SKI: variants seen among roughly 807,000 people sequenced by gnomAD.
SKI encodes ski oncogene.
SKI carries 23 observed loss-of-function variants against 59.3 expected under a neutral mutation model. The observed-to-expected ratio is 0.39, with a 90% CI of 0.28 to 0.55. The LOEUF (loss-of-function observed/expected upper bound fraction) is 0.55, where lower values mean the gene tolerates loss of function less well. Among genes scored for constraint, SKI ranks in the 20% least tolerant of loss-of-function variants. SKI has a pLI of 0.67. For synonymous variants in SKI, 673 were observed against 488.6 expected (o/e 1.38, Z -4.98); for missense variants, 1,017 against 1,038.9 (o/e 0.98, Z 0.29).
Position 2,306,165 on chromosome 1 carries a change from A to G in SKI, c.1913A>G (p.Lys638Arg), listed in dbSNP as rs921915068. ...KEANESRLRL[K>R]RELEQARQAR... ...GCCAACGAGTCACGGCTGCGCCTGAAGCGGGAGCTGGAGCAGGCGCGGCAG... is the reference window on the plus strand; with the variant it reads ...GCCAACGAGTCACGGCTGCGCCTGAGGCGGGAGCTGGAGCAGGCGCGGCAG... The change falls in exon 6 of 7, where the codon AAG becomes AGG. Residue 638 changes from lysine to arginine, a missense_variant. Transcript: ENST00000378536. 5.6e-6 allele frequency: 9 copies of G among 1,592,932 alleles called. No homozygotes were observed. The Admixed American group carries it at 1.4e-4, about 25-fold the overall frequency.
chr1:2,307,812 A>G lies in SKI; in HGVS notation c.*1047A>G. ...TTTTTACCGATTTATAGAGCAGTCA[A>G]ATCCGAAGTGCTCGAGTGCTTAGAA... On this transcript the variant is annotated 3_prime_UTR_variant, in exon 7 of 7. Transcript: ENST00000378536. 6.6e-6 allele frequency: 1 copy of G among 152,562 alleles called. No homozygotes were observed. The highest frequency in any genetic ancestry group is 1.9e-4 in the East Asian group (1 of 5,188). 9.5% of individuals were successfully genotyped at this position (152,562 alleles called of 1,614,324 possible). A position where few individuals can be genotyped will look rare whatever the true frequency, so the allele number is the denominator to read the frequency against.
intron 1 of SKI, among the ~76,000 whole-genome samples, chr1:2,282,392 CGGTGGCGG>C (rs1639908655): frequency 2.3e-5 from 1 of 42,812 alleles, no homozygotes; most frequent in Non-Finnish European, 4.8e-5. Flanking sequence ...AGAAGACAGG[CGGTGGCGG>C]AGATCTTCAG....
chr1:2,283,943 G>C (rs959325149), intron 1 of SKI, among the ~76,000 whole-genome samples: 1 of 152,172 alleles, frequency 6.6e-6, no homozygotes, highest in African/African-American at 2.4e-5. Flanking sequence ...TGCAGGAGGC[G>C]GGGAGGTGCT....
chr1:2,250,043 T>G (rs767295014), intron 1 of SKI, among the ~76,000 whole-genome samples: 1 of 152,160 alleles, frequency 6.6e-6, no homozygotes, highest in Non-Finnish European at 1.5e-5. Flanking sequence ...TAGCTGGGAT[T>G]ACAGGCGCCC....
At chr1:2,283,898 G>A (rs1008774420) in intron 1 of SKI, among the ~76,000 whole-genome samples, 23 of 152,204 alleles carry the variant, frequency 1.5e-4, no homozygotes, top group Non-Finnish European at 7.4e-5. Context: ...AAGCTGACCC[G>A]CTGGCGGGTG....
intron 1 of SKI, among the ~76,000 whole-genome samples, chr1:2,296,485 C>G (rs528876867): frequency 1.9e-3 from 291 of 152,304 alleles, no homozygotes; most frequent in Non-Finnish European, 3.0e-3. Flanking sequence ...TGAATGATGT[C>G]AGGCAGCTTT....
At chr1:2,253,656 C>G (rs1249577466) in intron 1 of SKI, among the ~76,000 whole-genome samples, 2 of 152,354 alleles carry the variant, frequency 1.3e-5, no homozygotes, top group Non-Finnish European at 1.5e-5. Flanking sequence ...CCACATGCCC[C>G]CAGTTCTGAC....
chr1:2,292,773 C>T (rs1442174939), intron 1 of SKI, among the ~76,000 whole-genome samples: 1 of 152,224 alleles, frequency 6.6e-6, no homozygotes, highest in African/African-American at 2.4e-5. Flanking sequence ...TTTTAGGAAC[C>T]TTGAGGAGGT....
intron 1 of SKI, among the ~76,000 whole-genome samples, chr1:2,284,070 C>T (rs114990167): frequency 0.032 from 4,849 of 152,250 alleles, 97 homozygotes; most frequent in African/African-American, 0.048. Context: ...CCCTGTCCTC[C>T]GGGCCATCCC....
chr1:2,284,555 C>T (rs1242769354), intron 1 of SKI, among the ~76,000 whole-genome samples: 2 of 152,204 alleles, frequency 1.3e-5, no homozygotes, highest in Non-Finnish European at 2.9e-5. Context: ...AGGGACCCTT[C>T]CCCAGTGGGC....
At position 2,277,796 on chromosome 1, in the gene SKI, GCGCACACACCTGCACTCA is replaced by G. The variant is rs368856107; in HGVS notation, c.970-25158_970-25141del. On this transcript the variant is annotated intron_variant, in intron 1 of 6. Transcript: ENST00000378536. ...ACGTGCACACACGTCAGCACCGTGA[GCGCACACACCTGCACTCA>G]CGCACACACCTGCACTCACGCACTC... Among the ~76,000 whole-genome samples the G allele has an allele frequency of 4.5e-3, 660 of 146,316 alleles. 4 individuals carry two copies. The highest frequency in any genetic ancestry group is 0.014 in the African/African-American group (555 of 38,644).
intron 1 of SKI, among the ~76,000 whole-genome samples, chr1:2,284,180 G>A (rs943728439): frequency 1.1e-4 from 17 of 152,092 alleles, no homozygotes; most frequent in Non-Finnish European, 1.9e-4. Flanking sequence ...GGCCGGCCCT[G>A]GGGGGCTCTG....
rs1016508465 is a variant in SKI, at chr1:2,310,142, T to G, written c.*3377T>G. 3.9e-5 allele frequency: 6 copies of G among 152,030 alleles called. No homozygotes were observed. Among genetic ancestry groups the G allele is most frequent in the African/African-American group, 7.2e-5 (3 of 41,406 alleles). The allele number at this position is 152,030 out of a possible 1,614,324, so 9.4% of individuals were successfully genotyped here. A position where few individuals can be genotyped will look rare whatever the true frequency, so the allele number is the denominator to read the frequency against. ...AAAGAGCTTGGCATATTTATCTATT[T>G]CGCTGTGTACCTGTTAGTCCTTCCC... On this transcript the variant is annotated 3_prime_UTR_variant, in exon 7 of 7. Coordinates refer to ENST00000378536, the MANE Select transcript of SKI (RefSeq NM_003036.4).
At chr1:2,266,659 A>G (rs1481553250) in intron 1 of SKI, among the ~76,000 whole-genome samples, 2 of 151,880 alleles carry the variant, frequency 1.3e-5, no homozygotes, top group African/African-American at 4.8e-5. Flanking sequence ...GGTCTCTGTG[A>G]CTTCACCTTG....
chr1:2,241,328 A>T (rs1638865326), intron 1 of SKI, among the ~76,000 whole-genome samples: 1 of 152,236 alleles, frequency 6.6e-6, no homozygotes, highest in African/African-American at 2.4e-5. Flanking sequence ...CCCGTTCACC[A>T]GTTATCCACA....
intron 1 of SKI, among the ~76,000 whole-genome samples, chr1:2,301,162 G>A (rs984789960): frequency 6.6e-6 from 1 of 152,202 alleles, no homozygotes; most frequent in African/African-American, 2.4e-5. Context: ...CCTCTCGGGA[G>A]GGTCCGCATG....
At chr1:2,290,738 G>C (rs72643474) in intron 1 of SKI, among the ~76,000 whole-genome samples, 1 of 152,102 alleles carries the variant, frequency 6.6e-6, no homozygotes, top group Non-Finnish European at 1.5e-5. Context: ...CCCAGCTAGC[G>C]CTTGGGTGAG....
chr1:2,235,922 C>G (rs556897949), intron 1 of SKI, among the ~76,000 whole-genome samples: 1 of 152,150 alleles, frequency 6.6e-6, no homozygotes, highest in Non-Finnish European at 1.5e-5. Context: ...GAGTAATGCT[C>G]CTGTCTTTTG....
chr1:2,287,492 A>G (rs954056267), intron 1 of SKI, among the ~76,000 whole-genome samples: 3 of 151,820 alleles, frequency 2.0e-5, no homozygotes, highest in Non-Finnish European at 4.4e-5. Context: ...GCCCGCCACC[A>G]CGCCCAGCTA....
Sources: gnomAD v4.1 joint callset for allele counts (sites outside exome capture counted in the v4.1 genomes callset) on GRCh38, gnomAD v4.1.1 for gene constraint, MANE v1.5 for transcripts, NCBI Gene and HGNC (gene_info 2026-07-23, HGNC 2026-07-21) for gene names.